LARP1: variants seen among roughly 807,000 people sequenced by gnomAD.
The protein encoded by LARP1 is la-related protein 1.
In LARP1, 36 loss-of-function variants were observed where a neutral mutation model predicts 122.7. The ratio of observed to expected loss-of-function variants is 0.29; its 90% CI spans 0.22 to 0.39. LARP1 has a LOEUF of 0.39. Among genes scored for constraint, LARP1 ranks in the 10% least tolerant of loss-of-function variants. LARP1 has a pLI of 1.00. For synonymous variants in LARP1, 539 were observed against 528.7 expected, an observed-to-expected ratio of 1.02 and a Z score of -0.27; for missense variants, 1,040 against 1,403.6, an observed-to-expected ratio of 0.74 and a Z score of 4.14.
intron 1 of LARP1, among the ~76,000 whole-genome samples, chr5:154,719,981 C>T (rs1458144533): frequency 6.6e-6 from 1 of 151,910 alleles, no homozygotes; most frequent in African/African-American, 2.4e-5. Flanking sequence ...TGCCTGACCT[C>T]AGGAGTTTGC....
intron 1 of LARP1, among the ~76,000 whole-genome samples, chr5:154,764,442 T>C: frequency 6.8e-6 from 1 of 147,982 alleles, no homozygotes; most frequent in South Asian, 2.2e-4. Context: ...CCCATCTCTT[T>C]AAAAAAAAAT....
intron 1 of LARP1, among the ~76,000 whole-genome samples, chr5:154,778,187 G>A (rs969728990): frequency 3.3e-5 from 5 of 151,154 alleles, no homozygotes; most frequent in African/African-American, 1.2e-4. Flanking sequence ...GTGAACCCAG[G>A]AGTTAGAGCT....
chr5:154,767,357 A>G (rs767503420), intron 1 of LARP1, among the ~76,000 whole-genome samples: 4 of 152,166 alleles, frequency 2.6e-5, no homozygotes, highest in Non-Finnish European at 5.9e-5. Flanking sequence ...CAGGTCTTCA[A>G]TTTGCTTAAC....
chr5:154,791,642 G>T (rs1757363104), intron 3 of LARP1, among the ~76,000 whole-genome samples: 1 of 152,178 alleles, frequency 6.6e-6, no homozygotes, highest in East Asian at 1.9e-4. Context: ...ATACATGGCG[G>T]GGCTGGTGGC....
intron 1 of LARP1, among the ~76,000 whole-genome samples, chr5:154,779,621 G>T (rs1756247366): frequency 6.7e-6 from 1 of 150,224 alleles, no homozygotes; most frequent in African/African-American, 2.5e-5. Flanking sequence ...CGATTCTCCT[G>T]CCTAAGCCTC....
chr5:154,803,450 G>A lies in LARP1; in HGVS notation c.2233+37G>A, dbSNP rs765683034. On this transcript the variant is annotated intron_variant, in intron 12 of 18. Transcript: ENST00000518297. This position sits in a 1 kb window ranked among gnomAD's most constrained non-coding sequence, Gnocchi z 4.4. Reference sequence around the variant, plus strand: ...ACACCTGAGATCCTGACATGGGTGAGAGGATCTAGGGCCCTTGGACTGGGG... The same window carrying A: ...ACACCTGAGATCCTGACATGGGTGAAAGGATCTAGGGCCCTTGGACTGGGG... 5 of 1,614,124 alleles carry A rather than the reference G, an allele frequency of 3.1e-6. No individual in the cohort carries two copies. The East Asian group carries it at 8.9e-5, about 29-fold the overall frequency.
intron 1 of LARP1, among the ~76,000 whole-genome samples, chr5:154,738,384 G>T (rs1339853025): frequency 6.6e-6 from 1 of 152,190 alleles, no homozygotes; most frequent in Non-Finnish European, 1.5e-5. Flanking sequence ...CTGAGGTCAG[G>T]AGTTCGAGAC....
Position 154,734,684 on chromosome 5 carries a change from A to G in LARP1, c.205+21554A>G, listed in dbSNP as rs557086795. Among the ~76,000 whole-genome samples the G allele has an allele frequency of 5.3e-5, 8 of 152,214 alleles. No homozygotes were observed. In the East Asian group the frequency reaches 1.4e-3, roughly 26 times the overall value. On this transcript the variant is annotated intron_variant, in intron 1 of 18. Transcript: ENST00000336314. ...AAAAAAATTCCTTTTCTGGTAAGAG[A>G]TACATAAAATTTACCATGTTAACCA...
chr5:154,792,536 T>C (rs1582426432), intron 3 of LARP1, 86 bp from the exon 4 acceptor site: 1 of 1,246,152 alleles, frequency 8.0e-7, no homozygotes, highest in Non-Finnish European at 1.1e-6. Context: ...GGCTCCTGCC[T>C]GCCCTTCTAG....
chr5:154,735,313 G>C (rs957115641), intron 1 of LARP1, among the ~76,000 whole-genome samples: 4 of 151,994 alleles, frequency 2.6e-5, no homozygotes, highest in African/African-American at 9.7e-5. Flanking sequence ...ACATTAGCCA[G>C]GCGTGATGGG....
intron 1 of LARP1, among the ~76,000 whole-genome samples, chr5:154,738,698 A>G (rs1283056243): frequency 6.6e-6 from 1 of 152,114 alleles, no homozygotes; most frequent in Non-Finnish European, 1.5e-5. Context: ...ACCATACATT[A>G]TTTTTGATCC....
At chr5:154,743,616 T>C (rs1753026601) in intron 1 of LARP1, among the ~76,000 whole-genome samples, 1 of 147,034 alleles carries the variant, frequency 6.8e-6, no homozygotes, top group African/African-American at 2.6e-5. Flanking sequence ...GCCTATAGTT[T>C]GTTTGTTTGT....
At chr5:154,693,133 GT>G (rs1754303595) in intron 1 of LARP1, among the ~76,000 whole-genome samples, 1 of 151,570 alleles carries the variant, frequency 6.6e-6, no homozygotes, top group African/African-American at 2.4e-5. Context: ...TCACAAGCAG[GT>G]TTCTTTGTTT....
chr5:154,690,000 C>T (rs530267505), intron 1 of LARP1, among the ~76,000 whole-genome samples: 2 of 152,108 alleles, frequency 1.3e-5, no homozygotes, highest in East Asian at 3.9e-4. Context: ...GAGATCGCGC[C>T]GTTGCACTCC....
intron 8 of LARP1, among the ~76,000 whole-genome samples, chr5:154,795,589 T>C (rs1284984235): frequency 6.6e-6 from 1 of 151,984 alleles, no homozygotes; most frequent in African/African-American, 2.4e-5. Context: ...GCTAATCTTA[T>C]TCCATCTGTA....
At position 154,790,384 on chromosome 5, in the gene LARP1, A is replaced by G; in HGVS notation, c.496A>G (p.Lys166Glu). Reference sequence around the variant, plus strand: ...TGTTCCTAAACAGCGCAAAGGCAGCAAGGTAAAGAATAACAGTGGGCAACC... The same window carrying G: ...TGTTCCTAAACAGCGCAAAGGCAGCGAGGTAAAGAATAACAGTGGGCAACC... ...AAVPKQRKGS[K>E]VGDFGDAINW... The change falls in exon 2 of 19, where the codon AAG (lysine) becomes GAG (glutamate). Residue 166 changes from lysine (K) to glutamate (E), a missense_variant and splice_region_variant. Lys to Glu is a moderately conservative substitution (Grantham distance 56, BLOSUM62 1). This residue lies in a region of LARP1 where 257 missense variants were observed against 273.3 expected (regional missense o/e 0.94). Coordinates refer to ENST00000518297, the MANE Select transcript of LARP1 (RefSeq NM_033551.3). The G allele has an allele frequency of 6.2e-7, 1 of 1,613,472 alleles. No homozygotes were observed. Among genetic ancestry groups the G allele is most frequent in the Non-Finnish European group, 8.5e-7 (1 of 1,179,680 alleles).
intron 1 of LARP1, among the ~76,000 whole-genome samples, chr5:154,783,058 C>T (rs556579119): frequency 6.6e-6 from 1 of 152,236 alleles, no homozygotes; most frequent in East Asian, 1.9e-4. Flanking sequence ...TAGTATAACC[C>T]AGGCACTCTT....
chr5:154,786,964 C>T (rs1185870023), intron 1 of LARP1, among the ~76,000 whole-genome samples: 1 of 152,030 alleles, frequency 6.6e-6, no homozygotes, highest in Non-Finnish European at 1.5e-5. Flanking sequence ...CCACAACCTC[C>T]TGCCTCCTGG....
intron 1 of LARP1, among the ~76,000 whole-genome samples, chr5:154,720,877 G>C (rs1755824222): frequency 6.6e-6 from 1 of 152,114 alleles, no homozygotes; most frequent in South Asian, 2.1e-4. Flanking sequence ...GAAGATTCTG[G>C]AAGTGTCAAG....
Sources: allele counts gnomAD v4.1 joint callset (sites outside exome capture counted in the v4.1 genomes callset), GRCh38; gene constraint gnomAD v4.1.1; regional missense constraint gnomAD v4.1.1; non-coding constraint Gnocchi (gnomAD v3.1); transcripts MANE v1.5; gene names NCBI Gene and HGNC (gene_info 2026-07-23, HGNC 2026-07-21).